The following PRKN variants were observed in gnomAD, a reference collection of about 807,000 sequenced individuals.
PRKN encodes parkin RBR E3 ubiquitin protein ligase.
A neutral mutation model predicts 59.5 loss-of-function variants in PRKN; 56 were observed. The observed-to-expected ratio is 0.94, with a 90% confidence interval of 0.76 to 1.18. PRKN has a LOEUF of 1.18. Ranked by LOEUF, PRKN falls within the 50% of genes most tolerant of loss-of-function variation. The probability of loss-of-function intolerance (pLI) is 0.00; values close to 1 mark genes in which losing one functional copy is unlikely to be tolerated. For synonymous variants in PRKN, 250 were observed against 222.1 expected (o/e 1.13, Z -1.12); for missense variants, 657 against 596.4 (o/e 1.10, Z -1.06).
chr6:162,600,843 G>C (rs1781679470), intron 1 of PRKN, among the ~76,000 whole-genome samples: 1 of 152,038 alleles, frequency 6.6e-6, no homozygotes, highest in African/African-American at 2.4e-5. Flanking sequence ...GTTTCCTGAG[G>C]CCTCCCAAGA....
intron 4 of PRKN, among the ~76,000 whole-genome samples, chr6:162,104,988 A>C (rs1780129530): frequency 6.6e-6 from 1 of 152,228 alleles, no homozygotes; most frequent in Non-Finnish European, 1.5e-5. Flanking sequence ...GTGGCATCAA[A>C]GAATACCAAT....
intron 4 of PRKN, among the ~76,000 whole-genome samples, chr6:162,125,181 C>T (rs1781075093): frequency 6.6e-6 from 1 of 152,146 alleles, no homozygotes; most frequent in Non-Finnish European, 1.5e-5. Context: ...AAAAACGCTG[C>T]CAACATCGTG....
chr6:162,241,283 G>A (rs1454836249), intron 3 of PRKN, among the ~76,000 whole-genome samples: 1 of 152,072 alleles, frequency 6.6e-6, no homozygotes, highest in East Asian at 1.9e-4. Flanking sequence ...GTTATTGTAA[G>A]TAAATAGCAC....
At chr6:162,250,895 A>G (rs1338470139) in intron 3 of PRKN, among the ~76,000 whole-genome samples, 1 of 139,090 alleles carries the variant, frequency 7.2e-6, no homozygotes, top group African/African-American at 2.8e-5. Context: ...TTTCTAATGT[A>G]TTTGGGTTTT....
At chr6:161,902,568 T>A (rs187890258) in intron 6 of PRKN, among the ~76,000 whole-genome samples, 4,356 of 62,826 alleles carry the variant, frequency 0.069, 127 homozygotes, top group Non-Finnish European at 0.085. Context: ...TTATTTATTT[T>A]TTTTTTTTTG....
intron 4 of PRKN, among the ~76,000 whole-genome samples, chr6:162,075,902 G>C (rs947798521): frequency 1.3e-5 from 2 of 151,736 alleles, no homozygotes; most frequent in African/African-American, 4.9e-5. Flanking sequence ...ATTGTGGGCA[G>C]GGGTTCCTAT....
At chr6:161,543,812 T>C (rs764094749) in intron 9 of PRKN, among the ~76,000 whole-genome samples, 13 of 152,214 alleles carry the variant, frequency 8.5e-5, no homozygotes, top group African/African-American at 2.2e-4. Context: ...GAAGGTTTGA[T>C]TGCCATAGCT....
At chr6:161,591,173 A>G (rs980168224) in intron 7 of PRKN, among the ~76,000 whole-genome samples, 2 of 152,248 alleles carry the variant, frequency 1.3e-5, no homozygotes, top group African/African-American at 4.8e-5. Flanking sequence ...ACAGATGGAG[A>G]CAGGAAGAAA....
At chr6:162,428,610 A>C (rs1378727715) in intron 2 of PRKN, among the ~76,000 whole-genome samples, 2 of 152,292 alleles carry the variant, frequency 1.3e-5, no homozygotes, top group East Asian at 3.9e-4. Flanking sequence ...ATAGCCAAGT[A>C]TCAATGTGTC....
At chr6:161,708,742 A>G (rs1786617329) in intron 7 of PRKN, among the ~76,000 whole-genome samples, 1 of 152,190 alleles carries the variant, frequency 6.6e-6, no homozygotes, top group Non-Finnish European at 1.5e-5. Context: ...AAAAGAGAAA[A>G]TCAAGCCTAG....
At chr6:161,988,944 A>AT (rs1351221424) in intron 5 of PRKN, among the ~76,000 whole-genome samples, 5 of 150,018 alleles carry the variant, frequency 3.3e-5, no homozygotes, top group South Asian at 2.1e-4. Flanking sequence ...AATGAGCTTT[A>AT]TCTTTTTTTT....
chr6:162,679,589 T>A (rs1376355705), intron 1 of PRKN, among the ~76,000 whole-genome samples: 1 of 152,192 alleles, frequency 6.6e-6, no homozygotes, highest in Non-Finnish European at 1.5e-5. Context: ...GGACATTTTT[T>A]CTAAATATGT....
intron 2 of PRKN, among the ~76,000 whole-genome samples, chr6:162,353,813 T>G (rs147610775): frequency 6.6e-6 from 1 of 152,120 alleles, no homozygotes; most frequent in Non-Finnish European, 1.5e-5. Context: ...AAATCTAATG[T>G]GGGGATTGAC....
intron 2 of PRKN, among the ~76,000 whole-genome samples, chr6:162,308,254 GAAAT>G (rs1782322524): frequency 6.6e-6 from 1 of 151,992 alleles, no homozygotes; most frequent in Non-Finnish European, 1.5e-5. Flanking sequence ...TGCTAAGAAA[GAAAT>G]AATATTCATG....
At chr6:161,951,871 A>C (rs182702214) in intron 6 of PRKN, among the ~76,000 whole-genome samples, 4 of 151,888 alleles carry the variant, frequency 2.6e-5, no homozygotes, top group African/African-American at 7.2e-5. Context: ...ACAGTGAGCC[A>C]AGATCGAGCC....
rs1303096511 is a variant in PRKN at position 161,593,744 on chromosome 6, CAAAGCTTATAAATT to C, written c.872-24342_872-24329del. Among the ~76,000 whole-genome samples the C allele has an allele frequency of 3.3e-5, 5 of 152,072 alleles. No homozygotes were observed. The highest frequency in any genetic ancestry group is 1.2e-4 in the African/African-American group (5 of 41,412). On this transcript the variant is annotated intron_variant, in intron 7 of 11. Transcript: ENST00000366898. The surrounding 1 kb of genome is among the most constrained non-coding windows in gnomAD (Gnocchi z 4.8). ...AGTTCTGCTTCGGATGCCACATTGG[CAAAGCTTATAAATT>C]ATCCAGTTGTAGCCAAGAGAAGAAG...
chr6:162,572,483 G>C (rs9295195), intron 1 of PRKN, among the ~76,000 whole-genome samples: 80,692 of 151,862 alleles, frequency 0.53, 21,725 homozygotes, highest in East Asian at 0.71. Context: ...GAGCAGTGAA[G>C]TTGTCACAGC....
chr6:161,737,502 T>C (rs1043253343), intron 7 of PRKN, among the ~76,000 whole-genome samples: 3 of 152,208 alleles, frequency 2.0e-5, no homozygotes, highest in African/African-American at 7.2e-5. Flanking sequence ...AAAAGAATTA[T>C]AAGATCTAAT....
At chr6:162,031,534 TTTTC>T (rs1252122274) in intron 5 of PRKN, among the ~76,000 whole-genome samples, 1 of 132,198 alleles carries the variant, frequency 7.6e-6, no homozygotes, top group Non-Finnish European at 1.5e-5. Flanking sequence ...TTTCTTTTCT[TTTTC>T]TTTTTTTTTT....
Sources: gnomAD v4.1 joint callset for allele counts (sites outside exome capture counted in the v4.1 genomes callset) on GRCh38, gnomAD v4.1.1 for gene constraint, Gnocchi (gnomAD v3.1) non-coding constraint, MANE v1.5 for transcripts, NCBI Gene and HGNC (gene_info 2026-07-23, HGNC 2026-07-21) for gene names.